The following PRPSAP1 variants were observed in gnomAD, a reference collection of about 807,000 sequenced individuals.
The protein encoded by PRPSAP1 is phosphoribosyl pyrophosphate synthase-associated protein 1.
In PRPSAP1, 31 loss-of-function variants were observed where a neutral mutation model predicts 39.4. The ratio of observed to expected loss-of-function variants is 0.79; its 90% CI spans 0.59 to 1.06. PRPSAP1 has a LOEUF of 1.06. PRPSAP1 is among the 50% of genes least tolerant of loss of function. PRPSAP1 has a pLI of 0.00. For synonymous variants in PRPSAP1, 212 were observed against 192.6 expected (o/e 1.10, Z -0.83); for missense variants, 430 against 511.6 (o/e 0.84, Z 1.54).
At chr17:76,347,479 T>C (rs1315029209) in intron 2 of PRPSAP1, among the ~76,000 whole-genome samples, 3 of 76,448 alleles carry the variant, frequency 3.9e-5, no homozygotes, top group African/African-American at 1.8e-4. Flanking sequence ...AGAGCAAGAC[T>C]CCGTCAAAAA....
intron 1 of PRPSAP1, among the ~76,000 whole-genome samples, chr17:76,352,642 C>CT (rs1490607091): frequency 2.9e-5 from 2 of 69,600 alleles, no homozygotes; most frequent in Non-Finnish European, 4.8e-5. Flanking sequence ...GAGACTCCGT[C>CT]TCAAAAAAAA....
intron 7 of PRPSAP1, among the ~76,000 whole-genome samples, chr17:76,322,544 A>G (rs1050406362): frequency 6.6e-6 from 1 of 152,168 alleles, no homozygotes; most frequent in African/African-American, 2.4e-5. Context: ...TCTTATTATT[A>G]AGAGTAATAA....
chr17:76,339,597 A>T lies in PRPSAP1; in HGVS notation c.290+5074T>A, dbSNP rs550860744. ...TTTTTGCTTTGATGCTCTTAAACTG[A>T]ACCACTGGGAAGAGACTTGCGGCTT... is the stretch of plus-strand genomic sequence containing the variant. On this transcript the variant is annotated intron_variant, in intron 3 of 9. Coordinates refer to ENST00000446526, the MANE Select transcript of PRPSAP1 (RefSeq NM_002766.3). Among the ~76,000 whole-genome samples, 86 of 151,820 alleles carry T rather than the reference A, an allele frequency of 5.7e-4. 2 individuals are homozygous for T. In the South Asian group the frequency reaches 0.011, roughly 19 times the overall value.
At chr17:76,333,903 T>C (rs984369596) in intron 3 of PRPSAP1, among the ~76,000 whole-genome samples, 8 of 152,130 alleles carry the variant, frequency 5.3e-5, no homozygotes, top group Admixed American at 4.6e-4. Flanking sequence ...CTCACTCACT[T>C]ATTAAGAAAT....
intron 3 of PRPSAP1, among the ~76,000 whole-genome samples, chr17:76,339,750 T>C (rs2071416314): frequency 6.6e-6 from 1 of 151,772 alleles, no homozygotes; most frequent in Non-Finnish European, 1.5e-5. Context: ...TGTTGACTTA[T>C]GTAAAATTGT....
At chr17:76,316,615 A>C (rs1286217480) in intron 7 of PRPSAP1, among the ~76,000 whole-genome samples, 1 of 152,214 alleles carries the variant, frequency 6.6e-6, no homozygotes, top group Non-Finnish European at 1.5e-5. Flanking sequence ...AGAGTGCTAA[A>C]ACTACCCTAA....
intron 7 of PRPSAP1, among the ~76,000 whole-genome samples, chr17:76,328,035 A>T (rs992145735): frequency 6.6e-6 from 1 of 151,982 alleles, no homozygotes; most frequent in Non-Finnish European, 1.5e-5. Flanking sequence ...AAGAAAAAAA[A>T]AGGAACAGAA....
intron 2 of PRPSAP1, among the ~76,000 whole-genome samples, chr17:76,347,938 G>A: frequency 6.6e-6 from 1 of 152,174 alleles, no homozygotes; most frequent in Non-Finnish European, 1.5e-5. Context: ...TTCCCAAAGG[G>A]CCCCATGTGA....
chr17:76,337,696 T>C (rs931934125), intron 3 of PRPSAP1, among the ~76,000 whole-genome samples: 1 of 152,128 alleles, frequency 6.6e-6, no homozygotes, highest in Non-Finnish European at 1.5e-5. Flanking sequence ...ACCTCTGCCT[T>C]CCGGGTTCAA....
At chr17:76,350,438 C>CAA (rs541471519) in intron 1 of PRPSAP1, among the ~76,000 whole-genome samples, 1 of 127,468 alleles carries the variant, frequency 7.8e-6, no homozygotes, top group Admixed American at 8.1e-5. Context: ...GATTCCGTCT[C>CAA]AAAAAAAAAA....
intron 4 of PRPSAP1, among the ~76,000 whole-genome samples, chr17:76,331,703 T>C (rs2071323803): frequency 6.6e-6 from 1 of 152,100 alleles, no homozygotes; most frequent in African/African-American, 2.4e-5. Context: ...TACATTTCTT[T>C]CCGAGGACCC....
At chr17:76,346,754 G>A (rs986874224) in intron 2 of PRPSAP1, among the ~76,000 whole-genome samples, 3 of 152,200 alleles carry the variant, frequency 2.0e-5, no homozygotes, top group Non-Finnish European at 2.9e-5. Context: ...GAGTTTGGCC[G>A]GGCGCGGTGG....
Position 76,311,580 on chromosome 17 carries a change from T to C in PRPSAP1, c.1120A>G (p.Met374Val). Residue 374 changes from methionine (M) to valine (V), a missense_variant, in exon 10 of 10, where the codon ATG becomes GTG. Physicochemically the swap from Met to Val is conservative, Grantham distance 21. Coordinates refer to ENST00000446526, the MANE Select transcript of PRPSAP1 (RefSeq NM_002766.3). ...AIRRIHNGES[M>V]AYLFRNITVD... ...GTGATGTTTCGGAAAAGGTAGGCCA[T>C]GGACTCTCCATTGTGGATTCTCCGA... is the stretch of plus-strand genomic sequence containing the variant. 6.2e-7 allele frequency: 1 copy of C among 1,614,210 alleles called. No individual in the cohort carries two copies. The highest frequency in any genetic ancestry group is 2.2e-5 in the East Asian group (1 of 44,880).
chr17:76,344,776 C>T, intron 2 of PRPSAP1, 39 bp from the exon 3 acceptor site: 1 of 1,466,674 alleles, frequency 6.8e-7, no homozygotes, highest in Non-Finnish European at 9.3e-7. Context: ...AAGAAAAGCT[C>T]CTATGTTAAA....
intron 2 of PRPSAP1, chr17:76,346,134 G>A (rs1172202667): frequency 6.7e-6 from 2 of 300,252 alleles, no homozygotes; most frequent in Non-Finnish European, 6.6e-6. Context: ...GTGTACTTCT[G>A]GTGACTGTAC....
chr17:76,333,036 C>T (rs1026103785), intron 3 of PRPSAP1, among the ~76,000 whole-genome samples: 1 of 151,838 alleles, frequency 6.6e-6, no homozygotes, highest in African/African-American at 2.4e-5. Flanking sequence ...GGACTACAGG[C>T]GCCCGCCACC....
chr17:76,346,932 C>T (rs1196126658), intron 2 of PRPSAP1, among the ~76,000 whole-genome samples: 1 of 152,080 alleles, frequency 6.6e-6, no homozygotes, highest in Non-Finnish European at 1.5e-5. Context: ...AGGAACTGTA[C>T]TGGGAACCCC....
intron 7 of PRPSAP1, among the ~76,000 whole-genome samples, chr17:76,319,974 T>A (rs2071171639): frequency 6.6e-6 from 1 of 151,780 alleles, no homozygotes; most frequent in African/African-American, 2.4e-5. Context: ...AAACTGAGCA[T>A]TAAAATAAAT....
intron 2 of PRPSAP1, among the ~76,000 whole-genome samples, chr17:76,347,198 C>G (rs558174543): frequency 5.4e-5 from 8 of 148,544 alleles, no homozygotes; most frequent in Non-Finnish European, 7.5e-5. Flanking sequence ...AGAAAGCAGA[C>G]AGAGTGGGCC....
Sources: gnomAD v4.1 joint callset for allele counts (sites outside exome capture counted in the v4.1 genomes callset) on GRCh38, gnomAD v4.1.1 for gene constraint, MANE v1.5 for transcripts, NCBI Gene and HGNC (gene_info 2026-07-23, HGNC 2026-07-21) for gene names.